The following SYN3 variants were observed in gnomAD, a reference collection of about 807,000 sequenced individuals.
SYN3 encodes the protein synapsin III.
A neutral mutation model predicts 65.8 loss-of-function variants in SYN3; 35 were observed. The ratio of observed to expected loss-of-function variants is 0.53; its 90% CI spans 0.41 to 0.70. The LOEUF (loss-of-function observed/expected upper bound fraction) is 0.70. Among genes scored for constraint, SYN3 ranks in the 30% least tolerant of loss-of-function variants. SYN3 has a pLI of 0.00. For synonymous variants in SYN3, 270 were observed against 292.9 expected, an observed-to-expected ratio of 0.92 and a Z score of 0.80; for missense variants, 680 against 749.0, an observed-to-expected ratio of 0.91 and a Z score of 1.08.
chr22:32,637,320 C>T (rs147813619), intron 6 of SYN3, among the ~76,000 whole-genome samples: 17 of 152,274 alleles, frequency 1.1e-4, no homozygotes, highest in African/African-American at 4.1e-4. Context: ...AGGATGATGA[C>T]GGTCCCACCA....
intron 7 of SYN3, among the ~76,000 whole-genome samples, chr22:32,577,949 T>C (rs2058876441): frequency 6.6e-6 from 1 of 152,368 alleles, no homozygotes; most frequent in Non-Finnish European, 1.5e-5. Context: ...TCTCCTGATA[T>C]ATGGAAGATT....
chr22:32,659,636 A>G (rs2060189672), intron 6 of SYN3, among the ~76,000 whole-genome samples: 1 of 152,228 alleles, frequency 6.6e-6, no homozygotes, highest in Non-Finnish European at 1.5e-5. Context: ...GGATAGTATT[A>G]GAGTCCTTGA....
intron 6 of SYN3, among the ~76,000 whole-genome samples, chr22:32,598,978 T>A (rs556932091): frequency 6.6e-6 from 1 of 152,174 alleles, no homozygotes; most frequent in African/African-American, 2.4e-5. Context: ...TTGATTGATA[T>A]ATATATCAAT....
At chr22:32,655,400 C>A (rs2060128860) in intron 6 of SYN3, among the ~76,000 whole-genome samples, 1 of 152,136 alleles carries the variant, frequency 6.6e-6, no homozygotes, top group Non-Finnish European at 1.5e-5. Flanking sequence ...GGTCTCCAAC[C>A]CCTTGGCCAC....
intron 6 of SYN3, chr22:32,849,335 T>A (rs1383734888): frequency 4.8e-6 from 4 of 825,270 alleles, no homozygotes; most frequent in African/African-American, 1.7e-5. Flanking sequence ...TCCAGTTGGC[T>A]CCAAGGTAAG....
chr22:32,853,227 C>A (rs1601544509), intron 6 of SYN3, among the ~76,000 whole-genome samples: 1 of 152,298 alleles, frequency 6.6e-6, no homozygotes, highest in East Asian at 1.9e-4. Flanking sequence ...CTCATCCAGC[C>A]CTCTGCAGAG....
At chr22:33,029,907 AC>A (rs2053719004) in intron 1 of SYN3, among the ~76,000 whole-genome samples, 1 of 151,946 alleles carries the variant, frequency 6.6e-6, no homozygotes, top group African/African-American at 2.4e-5. Context: ...CCACGCCCTG[AC>A]CCTCACACAG....
intron 4 of SYN3, among the ~76,000 whole-genome samples, chr22:32,889,025 C>A (rs1177838827): frequency 2.0e-5 from 3 of 152,194 alleles, no homozygotes; most frequent in Non-Finnish European, 2.9e-5. Flanking sequence ...GCTGAGGAGC[C>A]CAACTTTGCC....
chr22:32,899,489 A>T (rs1217888051), intron 4 of SYN3, among the ~76,000 whole-genome samples: 1 of 152,220 alleles, frequency 6.6e-6, no homozygotes, highest in African/African-American at 2.4e-5. Flanking sequence ...TTCCCCCTAA[A>T]GAAGGAGCGT....
At chr22:32,549,151 C>T (rs2058375449) in intron 7 of SYN3, among the ~76,000 whole-genome samples, 1 of 152,060 alleles carries the variant, frequency 6.6e-6, no homozygotes, top group South Asian at 2.1e-4. Context: ...GTGCTCCATG[C>T]ACACAATCGA....
intron 6 of SYN3, among the ~76,000 whole-genome samples, chr22:32,708,681 C>T (rs894469284): frequency 3.9e-5 from 6 of 152,202 alleles, no homozygotes; most frequent in Non-Finnish European, 1.5e-5. Context: ...CTGGGGTCCC[C>T]TCTGGTCTTT....
At chr22:32,663,634 G>T (rs2060249683) in intron 6 of SYN3, among the ~76,000 whole-genome samples, 1 of 152,250 alleles carries the variant, frequency 6.6e-6, no homozygotes, top group East Asian at 1.9e-4. Flanking sequence ...CCAGTCTCGG[G>T]TATGTCTTTA....
At chr22:32,967,314 TA>T (rs2051878640) in intron 3 of SYN3, among the ~76,000 whole-genome samples, 1 of 152,156 alleles carries the variant, frequency 6.6e-6, no homozygotes, top group Non-Finnish European at 1.5e-5. Context: ...AATTCTATTG[TA>T]AAGTAAATAG....
chr22:32,780,480 C>T (rs1197918772), intron 6 of SYN3, among the ~76,000 whole-genome samples: 1 of 152,182 alleles, frequency 6.6e-6, no homozygotes, highest in Admixed American at 6.5e-5. Flanking sequence ...TATTTTCTAC[C>T]TGTGTTATCA....
intron 6 of SYN3, among the ~76,000 whole-genome samples, chr22:32,728,839 G>T (rs1474531231): frequency 6.6e-6 from 1 of 152,212 alleles, no homozygotes; most frequent in Non-Finnish European, 1.5e-5. Flanking sequence ...GTTGAAGGTT[G>T]CCCTGGGGGT....
chr22:32,856,933 A>G (rs938160190), intron 6 of SYN3, among the ~76,000 whole-genome samples: 9 of 152,176 alleles, frequency 5.9e-5, no homozygotes, highest in African/African-American at 2.2e-4. Flanking sequence ...TGCCTGGCTT[A>G]TTCCGCTTAG....
At chr22:32,689,904 T>C (rs1259537477) in intron 6 of SYN3, among the ~76,000 whole-genome samples, 1 of 151,914 alleles carries the variant, frequency 6.6e-6, no homozygotes, top group Non-Finnish European at 1.5e-5. Flanking sequence ...AGGCCAGGTG[T>C]GGTGGCTCAG....
Position 32,802,022 on chromosome 22 carries a change from C to T in SYN3, c.711+62893G>A, listed in dbSNP as rs2046600398. ...CGGCAATGACCCCTTGGCTCGGGCT[C>T]ATCGTGCTCCTGGGCAGCTGGAGCC... On this transcript the variant is annotated intron_variant, in intron 6 of 13. Coordinates refer to ENST00000358763, the MANE Select transcript of SYN3 (RefSeq NM_003490.4). 5 of 1,577,172 alleles carry T rather than the reference C, an allele frequency of 3.2e-6. No homozygotes were observed. The highest frequency in any genetic ancestry group is 4.3e-6 in the Non-Finnish European group (5 of 1,166,892).
chr22:32,954,389 T>C (rs1477340590), intron 3 of SYN3, among the ~76,000 whole-genome samples: 2 of 151,710 alleles, frequency 1.3e-5, no homozygotes, highest in Non-Finnish European at 2.9e-5. Flanking sequence ...CTAACTGCAA[T>C]GAATTTTTGC....
Sources: allele counts gnomAD v4.1 joint callset (sites outside exome capture counted in the v4.1 genomes callset), GRCh38; gene constraint gnomAD v4.1.1; transcripts MANE v1.5; gene names NCBI Gene and HGNC (gene_info 2026-07-23, HGNC 2026-07-21).